The following PRKCE variants were observed in gnomAD, a reference collection of about 807,000 sequenced individuals.
PRKCE encodes the protein protein kinase C epsilon.
A neutral mutation model predicts 85.4 loss-of-function variants in PRKCE; 16 were observed. That is an observed-to-expected ratio of 0.19 (90% confidence interval 0.13 to 0.28). The LOEUF (loss-of-function observed/expected upper bound fraction) is 0.28, where lower values mean the gene tolerates loss of function less well. Ranked by LOEUF, PRKCE falls within the 10% of genes least tolerant of loss-of-function variation. PRKCE has a pLI of 1.00. For missense variants in PRKCE, 573 were observed against 975.2 expected, an observed-to-expected ratio of 0.59 and a Z score of 5.49; for synonymous variants, 388 against 371.5, an observed-to-expected ratio of 1.04 and a Z score of -0.51.
chr2:45,804,985 TATGCTAGAAGAG>T (rs1688137142), intron 1 of PRKCE, among the ~76,000 whole-genome samples: 1 of 152,006 alleles, frequency 6.6e-6, no homozygotes, highest in South Asian at 2.1e-4. Context: ...TGTTCTGTTT[TATGCTAGAAGAG>T]ATGACTGTTC....
intron 1 of PRKCE, among the ~76,000 whole-genome samples, chr2:45,782,418 C>T (rs1433782419): frequency 6.6e-6 from 1 of 152,114 alleles, no homozygotes; most frequent in Non-Finnish European, 1.5e-5. Flanking sequence ...TTCTGATCCT[C>T]CATTTCCTTA....
intron 1 of PRKCE, among the ~76,000 whole-genome samples, chr2:45,749,007 A>G (rs562391393): frequency 4.6e-5 from 7 of 151,336 alleles, no homozygotes; most frequent in Non-Finnish European, 1.0e-4. Context: ...CTCCTGCCTC[A>G]GCCTCCTAAG....
intron 1 of PRKCE, among the ~76,000 whole-genome samples, chr2:45,788,149 T>G (rs1406763483): frequency 1.3e-5 from 2 of 152,232 alleles, no homozygotes. Flanking sequence ...AGTCTGTGGC[T>G]ACTTGGGATT....
intron 11 of PRKCE, among the ~76,000 whole-genome samples, chr2:46,141,252 A>T (rs1198125028): frequency 6.6e-6 from 1 of 152,212 alleles, no homozygotes; most frequent in Non-Finnish European, 1.5e-5. Context: ...TCCCCCAATA[A>T]ATACAGTGGA....
At chr2:46,102,472 A>T (rs1671335424) in intron 11 of PRKCE, among the ~76,000 whole-genome samples, 1 of 152,216 alleles carries the variant, frequency 6.6e-6, no homozygotes, top group Non-Finnish European at 1.5e-5. Context: ...CACACACCCT[A>T]CACCAGGTTC....
chr2:45,925,340 AGGATGGATTGCGAT>A (rs1698533277), intron 2 of PRKCE, among the ~76,000 whole-genome samples: 2 of 151,992 alleles, frequency 1.3e-5, no homozygotes, highest in South Asian at 4.2e-4. Context: ...CTTGTCACCC[AGGATGGATTGCGAT>A]GGCATGATCT....
intron 1 of PRKCE, among the ~76,000 whole-genome samples, chr2:45,725,217 G>C (rs1680954869): frequency 6.6e-6 from 1 of 152,162 alleles, no homozygotes; most frequent in Non-Finnish European, 1.5e-5. Flanking sequence ...CTGGATGATA[G>C]CACATCTGTT....
chr2:45,851,023 G>A (rs1239601580), intron 2 of PRKCE, among the ~76,000 whole-genome samples: 1 of 152,200 alleles, frequency 6.6e-6, no homozygotes, highest in African/African-American at 2.4e-5. Context: ...GGTAGCTACT[G>A]GTAGGGCAGG....
intron 1 of PRKCE, among the ~76,000 whole-genome samples, chr2:45,815,176 G>A (rs533081096): frequency 1.3e-5 from 2 of 152,304 alleles, no homozygotes; most frequent in East Asian, 3.9e-4. Context: ...GGATTATGCA[G>A]GAAATTTGAT....
chr2:45,664,774 T>G (rs1675834279), intron 1 of PRKCE, among the ~76,000 whole-genome samples: 2 of 152,248 alleles, frequency 1.3e-5, no homozygotes, highest in African/African-American at 4.8e-5. Flanking sequence ...CTGAACATCC[T>G]CTGCATTAGC....
chr2:45,803,881 C>T (rs1003989002), intron 1 of PRKCE, among the ~76,000 whole-genome samples: 1 of 152,118 alleles, frequency 6.6e-6, no homozygotes, highest in Non-Finnish European at 1.5e-5. Flanking sequence ...AATAGTCTGT[C>T]TAAAGTTGCA....
chr2:46,143,878 T>C (rs1268467868), intron 11 of PRKCE, among the ~76,000 whole-genome samples: 2 of 152,244 alleles, frequency 1.3e-5, no homozygotes, highest in Admixed American at 1.3e-4. Context: ...CCTAAAGTGC[T>C]TCCTGCCCCA....
At position 45,884,984 on chromosome 2, in the gene PRKCE, TATATATATATA is replaced by T. The variant is rs1695162950; in HGVS notation, c.412+41922_412+41932del. On this transcript the variant is annotated intron_variant, in intron 2 of 14. Coordinates refer to ENST00000306156, the MANE Select transcript of PRKCE (RefSeq NM_005400.3). The stretch of plus-strand genomic sequence containing the variant: ...ATATATATATATATATATATATATA[TATATATATATA>T]TATATATTTGTTGTTGTTGTTGTTG... Among the ~76,000 whole-genome samples the T allele has an allele frequency of 1.4e-4, 11 of 77,084 alleles. 1 individual carries two copies. Among genetic ancestry groups the T allele is most frequent in the Non-Finnish European group, 2.3e-4 (8 of 35,136 alleles). The allele number at this position is 77,084 out of a possible 152,430, so 50.6% of individuals were successfully genotyped here.
intron 2 of PRKCE, among the ~76,000 whole-genome samples, chr2:45,967,961 C>T (rs1574058258): frequency 6.6e-6 from 1 of 152,226 alleles, no homozygotes; most frequent in South Asian, 2.1e-4. Flanking sequence ...GAAAGAAGAC[C>T]CCACAGCACA....
chr2:45,909,632 G>A (rs1192329354), intron 2 of PRKCE, among the ~76,000 whole-genome samples: 1 of 152,200 alleles, frequency 6.6e-6, no homozygotes, highest in Non-Finnish European at 1.5e-5. Flanking sequence ...TAGCAAGTGT[G>A]TTCTAAATTA....
intron 11 of PRKCE, among the ~76,000 whole-genome samples, chr2:46,102,259 C>T (rs943707462): frequency 3.3e-5 from 5 of 152,180 alleles, no homozygotes; most frequent in African/African-American, 1.2e-4. Context: ...TAAGAGAAAG[C>T]ATTCCAGTGT....
intron 1 of PRKCE, among the ~76,000 whole-genome samples, chr2:45,739,718 G>T (rs1573142023): frequency 1.3e-5 from 2 of 152,238 alleles, no homozygotes; most frequent in East Asian, 3.9e-4. Context: ...TGAGTACAAA[G>T]GGGCCCAGGG....
intron 2 of PRKCE, among the ~76,000 whole-genome samples, chr2:45,940,739 T>C (rs773569853): frequency 1.1e-4 from 17 of 152,158 alleles, no homozygotes; most frequent in Non-Finnish European, 2.5e-4. Flanking sequence ...TACCTTTTGC[T>C]TAATAACTTA....
intron 2 of PRKCE, among the ~76,000 whole-genome samples, chr2:45,891,839 C>T (rs549120978): frequency 6.6e-6 from 1 of 152,332 alleles, no homozygotes; most frequent in South Asian, 2.1e-4. Flanking sequence ...CCATAGCAAC[C>T]ACGCTAGCCC....
Sources: gnomAD v4.1 joint callset for allele counts (sites outside exome capture counted in the v4.1 genomes callset) on GRCh38, gnomAD v4.1.1 for gene constraint, MANE v1.5 for transcripts, NCBI Gene and HGNC (gene_info 2026-07-23, HGNC 2026-07-21) for gene names.